The following CHD8 variants were observed in gnomAD, a reference collection of about 807,000 sequenced individuals.
CHD8 encodes chromodomain helicase DNA binding protein 8, also known as ATP-dependent chromatin remodeler CHD8.
A neutral mutation model predicts 279.2 loss-of-function variants in CHD8; 31 were observed. The observed-to-expected ratio is 0.11, with a 90% CI of 0.08 to 0.15. The LOEUF is 0.15. CHD8 is among the 10% of genes least tolerant of loss of function. The pLI, the probability that CHD8 is intolerant of heterozygous loss-of-function variation, is 1.00. For synonymous variants in CHD8, 1,081 were observed against 1,139.6 expected (o/e 0.95, Z 1.04); for missense variants, 2,146 against 3,230.5 (o/e 0.66, Z 8.14).
chr14:21,432,810 T>A (rs1000065547), intron 1 of CHD8, among the ~76,000 whole-genome samples: 5 of 152,216 alleles, frequency 3.3e-5, no homozygotes, highest in Non-Finnish European at 7.3e-5. Flanking sequence ...CTCCTTTAAA[T>A]ACCCACACCA....
At chr14:21,427,378 A>C in intron 4 of CHD8, 1 of 419,616 alleles carries the variant, frequency 2.4e-6, no homozygotes, top group Non-Finnish European at 3.2e-6. Context: ...ACTTGAGCTT[A>C]CTCTTGCACG....
At position 21,431,160 on chromosome 14, in the gene CHD8, G is replaced by A. The variant is rs966601893; in HGVS notation, c.484C>T (p.Leu162Phe). 1 of 1,599,216 alleles carries A rather than the reference G, an allele frequency of 6.3e-7. No homozygotes were observed. The highest frequency in any genetic ancestry group is 1.3e-5 in the African/African-American group (1 of 75,054). ...PPQSAPKIVI[L>F]KAPPSSSVTG... Reference sequence around the variant, plus strand: ...ACTGAGGAGCTTGGTGGGGCCTTAAGGATAACAATCTTAGGGGCTGACTGA... The same window carrying A: ...ACTGAGGAGCTTGGTGGGGCCTTAAAGATAACAATCTTAGGGGCTGACTGA... Residue 162 changes from leucine (L) to phenylalanine (F), a missense_variant, in exon 2 of 38, where the codon CTT becomes TTT. Around this residue, in one of 26 missense-constraint regions of CHD8, gnomAD observed 302 missense variants for 325.5 expected, o/e 0.93. Coordinates refer to ENST00000646647, the MANE Select transcript of CHD8 (RefSeq NM_001170629.2).
rs796768728 is a variant in CHD8 at position 21,452,172 on chromosome 14, C to T, written c.-216+3860G>A. On this transcript the variant is annotated intron_variant, in intron 1 of 37. Coordinates refer to ENST00000646647, the MANE Select transcript of CHD8 (RefSeq NM_001170629.2). Reference sequence around the variant, plus strand: ...TCTCCTGCCTCAGCCTCCCGAGTAGCTGGGCCTACAGGACCACGCCACCAC... The same window carrying T: ...TCTCCTGCCTCAGCCTCCCGAGTAGTTGGGCCTACAGGACCACGCCACCAC... Among the ~76,000 whole-genome samples, 41 of 152,250 alleles carry T rather than the reference C, an allele frequency of 2.7e-4. 2 individuals carry two copies. The highest frequency in any genetic ancestry group is 9.6e-4 in the African/African-American group (40 of 41,574).
chr14:21,452,752 G>A lies in CHD8; in HGVS notation c.-216+3280C>T, dbSNP rs137871985. 3.1e-3 allele frequency among the ~76,000 whole-genome samples: 464 copies of A among 152,078 alleles called. 2 individuals carry two copies. Among genetic ancestry groups the A allele is most frequent in the African/African-American group, 0.011 (453 of 41,510 alleles). On this transcript the variant is annotated intron_variant, in intron 1 of 37. Coordinates refer to ENST00000646647, the MANE Select transcript of CHD8 (RefSeq NM_001170629.2). Reference sequence around the variant, plus strand: ...TGTAATCCCAGCGATTTGGGTGGCCGAGACAGGCCGATCATGAGGTCAGGA... The same window carrying A: ...TGTAATCCCAGCGATTTGGGTGGCCAAGACAGGCCGATCATGAGGTCAGGA...
intron 5 of CHD8, among the ~76,000 whole-genome samples, chr14:21,422,793 G>A (rs1039790837): frequency 6.6e-6 from 1 of 152,120 alleles, no homozygotes; most frequent in Non-Finnish European, 1.5e-5. Context: ...GCTGGGCATG[G>A]TGGCGCACAC....
At chr14:21,429,357 G>A (rs752474839) in intron 2 of CHD8, 22 bp from the exon 3 acceptor site, 6 of 1,600,820 alleles carry the variant, frequency 3.7e-6, no homozygotes, top group Non-Finnish European at 4.3e-6. Flanking sequence ...AAAGGAAATT[G>A]CAAGAGTACA....
rs185643316 is a variant in CHD8 at position 21,386,584 on chromosome 14, T to G, written c.7183-408A>C. On this transcript the variant is annotated intron_variant, in intron 37 of 37. Coordinates refer to ENST00000646647, the MANE Select transcript of CHD8 (RefSeq NM_001170629.2). ...CGGGCGCGGTGGCTCACGCCTGTAA[T>G]CCCAGCACTTTGGGAGGCCGAGGCG... 3.6e-3 allele frequency among the ~76,000 whole-genome samples: 547 copies of G among 152,304 alleles called. 1 individual carries two copies. Among genetic ancestry groups the G allele is most frequent in the Non-Finnish European group, 5.3e-3 (360 of 68,018 alleles).
At chr14:21,398,138 C>A in intron 26 of CHD8, 186 bp from the exon 27 acceptor site, 2 of 461,014 alleles carry the variant, frequency 4.3e-6, no homozygotes, top group Non-Finnish European at 7.2e-6. Context: ...AATTTAGAAT[C>A]ATGAAGAGTT....
rs746861556 is a variant in CHD8, at chr14:21,397,833, T to C, written c.5041A>G (p.Ile1681Val). The change falls in exon 27 of 38, where the codon ATA becomes GTA. Residue 1681 changes from isoleucine to valine, a missense_variant. Ile to Val is a conservative substitution (Grantham distance 29, BLOSUM62 3). Around this residue, in one of 26 missense-constraint regions of CHD8, gnomAD observed 75 missense variants for 81.3 expected, o/e 0.92. Transcript: ENST00000646647. ...EHRVLDNFSD[I>V]VEGVDFDKDC... ...AATACTAATGCTTACCCTTCTACTA[T>C]GTCAGAGAAGTTATCCAACACTCGA... is the stretch of plus-strand genomic sequence containing the variant. 1.7e-5 allele frequency: 27 copies of C among 1,613,550 alleles called. No homozygotes were observed. The East Asian group carries it at 4.9e-4, about 29-fold the overall frequency.
intron 1 of CHD8, among the ~76,000 whole-genome samples, chr14:21,434,275 C>T (rs975406970): frequency 6.6e-6 from 1 of 152,078 alleles, no homozygotes; most frequent in South Asian, 2.1e-4. Context: ...GGACTCTCGA[C>T]TTCAGAGGTG....
chr14:21,424,531 C>T (rs143067878), intron 5 of CHD8, among the ~76,000 whole-genome samples: 2,434 of 152,032 alleles, frequency 0.016, 63 homozygotes, highest in African/African-American at 0.056. Context: ...AGTGCAGTGG[C>T]GCAATCTTGG....
chr14:21,400,206 C>T lies in CHD8; in HGVS notation c.4672G>A (p.Asp1558Asn). The T allele has an allele frequency of 6.2e-7, 1 of 1,613,894 alleles. No homozygotes were observed. ...KADWIRKYNPDTLFQDESYKK... is the reference protein window; with the variant it reads ...KADWIRKYNPNTLFQDESYKK... ...TAACTTTCATCTTGGAACAAAGTGT[C>T]AGGGTTATATTTCCGGATCCAATCT... is the stretch of plus-strand genomic sequence containing the variant. Residue 1558 changes from aspartate (D) to asparagine (N), a missense_variant, in exon 24 of 38, where the codon GAC becomes AAC. Physicochemically the swap from Asp to Asn is conservative, Grantham distance 23 (BLOSUM62 1). Coordinates refer to ENST00000646647, the MANE Select transcript of CHD8 (RefSeq NM_001170629.2). The surrounding 1 kb of genome is among the most constrained non-coding windows in gnomAD (Gnocchi z 4.2).
intron 5 of CHD8, among the ~76,000 whole-genome samples, chr14:21,421,938 G>A (rs181701383): frequency 4.6e-5 from 7 of 152,328 alleles, no homozygotes; most frequent in Non-Finnish European, 8.8e-5. Context: ...GAAAGACCAC[G>A]TGAAGACACA....
chr14:21,414,200 GA>G, intron 9 of CHD8, 100 bp downstream of exon 9: 1 of 695,530 alleles, frequency 1.4e-6, no homozygotes, highest in South Asian at 1.7e-5. Context: ...CCCATATATA[GA>G]AACCAATTAC....
At chr14:21,420,800 T>A (rs1367298699) in intron 5 of CHD8, among the ~76,000 whole-genome samples, 1 of 152,052 alleles carries the variant, frequency 6.6e-6, no homozygotes, top group Non-Finnish European at 1.5e-5. Context: ...TTCGCTCTTG[T>A]TGCCCAGGCT....
At position 21,406,841 on chromosome 14, in the gene CHD8, C is replaced by T. The variant is rs1466775965; in HGVS notation, c.2907+15G>A. 3 of 1,597,960 alleles carry T rather than the reference C, an allele frequency of 1.9e-6. No individual in the cohort carries two copies. The highest frequency in any genetic ancestry group is 4.5e-5 in the East Asian group (2 of 44,704). On this transcript the variant is annotated intron_variant, in intron 14 of 37. Transcript: ENST00000646647. ...ATTCCAGGTGTTTCTGCTCACAAGT[C>T]AGTGTGGAACTCACCAGGTCCATGT...
rs1594350817 is a variant in CHD8 at position 21,408,273 on chromosome 14, T to C, written c.2730+39A>G. On this transcript the variant is annotated intron_variant, in intron 13 of 37. Coordinates refer to ENST00000646647, the MANE Select transcript of CHD8 (RefSeq NM_001170629.2). This position sits in a 1 kb window ranked among gnomAD's most constrained non-coding sequence, Gnocchi z 4.3. ...TAAAATACCAGGTACCTTGGCCGAC[T>C]TTCTCTAACTCATAGTATTCCCAAG... 6.3e-7 allele frequency: 1 copy of C among 1,594,138 alleles called. No individual in the cohort carries two copies. The highest frequency in any genetic ancestry group is 2.2e-5 in the East Asian group (1 of 44,544).
chr14:21,403,281 G>A lies in CHD8; in HGVS notation c.3519-69C>T, dbSNP rs1888111805. ...AGTGGAGACCAAAACAGCAGGCTAG[G>A]ATCAATACCAGTACTCCCATATCAA... On this transcript the variant is annotated intron_variant, in intron 17 of 37. Transcript: ENST00000646647. The surrounding 1 kb of genome is among the most constrained non-coding windows in gnomAD (Gnocchi z 4.3). 6.8e-7 allele frequency: 1 copy of A among 1,466,516 alleles called. No homozygotes were observed. The highest frequency in any genetic ancestry group is 9.4e-7 in the Non-Finnish European group (1 of 1,066,084). The allele number at this position is 1,466,516 out of a possible 1,614,324, so 90.8% of individuals were successfully genotyped here.
At chr14:21,420,220 C>T (rs1888962152) in intron 5 of CHD8, among the ~76,000 whole-genome samples, 1 of 152,214 alleles carries the variant, frequency 6.6e-6, no homozygotes, top group Admixed American at 6.5e-5. Flanking sequence ...CCAGCACACC[C>T]TTCAGCAGAG....
Sources: gnomAD v4.1 joint callset for allele counts (sites outside exome capture counted in the v4.1 genomes callset) on GRCh38, gnomAD v4.1.1 for gene constraint, gnomAD v4.1.1 regional missense constraint, Gnocchi (gnomAD v3.1) non-coding constraint, MANE v1.5 for transcripts, NCBI Gene and HGNC (gene_info 2026-07-23, HGNC 2026-07-21) for gene names.